Variants in OSBPL1A observed in about 807,000 individuals in gnomAD.
The protein encoded by OSBPL1A is oxysterol binding protein like 1A.
Under a neutral mutation model 137.1 loss-of-function variants are expected in OSBPL1A, and 80 were observed. The ratio of observed to expected loss-of-function variants is 0.58; its 90% CI spans 0.49 to 0.70. The LOEUF (loss-of-function observed/expected upper bound fraction) is 0.70. OSBPL1A is among the 30% of genes least tolerant of loss of function. The pLI, the probability that OSBPL1A is intolerant of heterozygous loss-of-function variation, is 0.00. For missense variants in OSBPL1A, 970 were observed against 1,129.4 expected (o/e 0.86, Z 2.02); for synonymous variants, 365 against 389.7 (o/e 0.94, Z 0.75).
intron 14 of OSBPL1A, among the ~76,000 whole-genome samples, chr18:24,299,912 T>A (rs1336856804): frequency 1.3e-5 from 2 of 152,138 alleles, no homozygotes; most frequent in Non-Finnish European, 2.9e-5. Context: ...ATCCTAAGAA[T>A]CCTGAGTTAC....
chr18:24,303,534 A>T, intron 14 of OSBPL1A, 103 bp downstream of exon 14: 1 of 938,252 alleles, frequency 1.1e-6, no homozygotes, highest in Non-Finnish European at 1.6e-6. Flanking sequence ...ATAACTCTTA[A>T]TTCAAAACCA....
At chr18:24,358,332 TCTC>T (rs2091570123) in intron 4 of OSBPL1A, 1 of 617,208 alleles carries the variant, frequency 1.6e-6, no homozygotes, top group Non-Finnish European at 2.9e-6. Context: ...TGAAGCATCA[TCTC>T]CTCTGCAAAG....
intron 17 of OSBPL1A, among the ~76,000 whole-genome samples, chr18:24,200,169 A>G (rs780236947): frequency 3.9e-5 from 6 of 152,152 alleles, no homozygotes; most frequent in Non-Finnish European, 7.3e-5. Flanking sequence ...GCATATCTCA[A>G]TTAAGCTACT....
intron 4 of OSBPL1A, among the ~76,000 whole-genome samples, chr18:24,363,948 T>C (rs747702066): frequency 6.6e-6 from 1 of 151,990 alleles, no homozygotes; most frequent in Non-Finnish European, 1.5e-5. Context: ...TCTCTTACAC[T>C]TCTAAGGACA....
intron 18 of OSBPL1A, among the ~76,000 whole-genome samples, chr18:24,186,322 T>C (rs1272505517): frequency 2.0e-5 from 3 of 152,204 alleles, no homozygotes; most frequent in Non-Finnish European, 4.4e-5. Context: ...AATAGTGATA[T>C]TTACACTTCA....
intron 17 of OSBPL1A, among the ~76,000 whole-genome samples, chr18:24,209,101 G>T (rs1324012494): frequency 1.3e-5 from 2 of 152,084 alleles, no homozygotes; most frequent in African/African-American, 4.8e-5. Context: ...TTCAAACAAA[G>T]AAGAAATTAA....
intron 7 of OSBPL1A, among the ~76,000 whole-genome samples, chr18:24,322,894 A>C (rs370321127): frequency 6.6e-6 from 1 of 152,202 alleles, no homozygotes; most frequent in Non-Finnish European, 1.5e-5. Flanking sequence ...AAAATACACT[A>C]TCTCTCTTAC....
Position 24,362,182 on chromosome 18 carries a change from C to A in OSBPL1A, c.282+4710G>T, listed in dbSNP as rs188465681. On this transcript the variant is annotated intron_variant, in intron 4 of 27. Transcript: ENST00000319481. ...AGCACTTTGAATGGGTAGATCTGGG[C>A]CATGTAGAAATAGATGACAATAGAA... Among the ~76,000 whole-genome samples, 14 of 150,468 alleles carry A rather than the reference C, an allele frequency of 9.3e-5. No individual in the cohort carries two copies. In the East Asian group the frequency reaches 2.7e-3, roughly 29 times the overall value.
chr18:24,202,735 G>A lies in OSBPL1A; in HGVS notation c.1602-6535C>T, dbSNP rs139677563. 2.4e-3 allele frequency among the ~76,000 whole-genome samples: 370 copies of A among 151,862 alleles called. 2 individuals carry two copies. The highest frequency in any genetic ancestry group is 8.2e-3 in the African/African-American group (341 of 41,430). On this transcript the variant is annotated intron_variant, in intron 17 of 27. Transcript: ENST00000319481. ...GTAAATTTCTTAATTCACAACATTT[G>A]GTATTTTTCCAACGGACAAGAAAAA...
intron 27 of OSBPL1A, among the ~76,000 whole-genome samples, chr18:24,164,426 T>G (rs1241823762): frequency 7.5e-6 from 1 of 133,388 alleles, no homozygotes; most frequent in Non-Finnish European, 1.6e-5. Context: ...TTTGGTTTTT[T>G]TTTTTTTTTT....
chr18:24,317,289 C>A (rs947013345), intron 10 of OSBPL1A, 38 bp downstream of exon 10: 1 of 1,606,014 alleles, frequency 6.2e-7, no homozygotes, highest in East Asian at 2.2e-5. Context: ...AAAATTTATA[C>A]AGTGAAATTT....
At chr18:24,371,101 A>C (rs973892396) in intron 2 of OSBPL1A, among the ~76,000 whole-genome samples, 5 of 152,162 alleles carry the variant, frequency 3.3e-5, no homozygotes, top group African/African-American at 1.2e-4. Context: ...TATCTGTCAC[A>C]GCAGCCTAAA....
At chr18:24,219,813 C>G (rs190975725) in intron 17 of OSBPL1A, among the ~76,000 whole-genome samples, 10 of 152,278 alleles carry the variant, frequency 6.6e-5, no homozygotes, top group African/African-American at 2.4e-4. Flanking sequence ...TGGCAATAAG[C>G]TGGGCAACTC....
chr18:24,252,339 A>G (rs1029336028), intron 15 of OSBPL1A, among the ~76,000 whole-genome samples: 6 of 152,188 alleles, frequency 3.9e-5, no homozygotes, highest in Non-Finnish European at 7.3e-5. Flanking sequence ...AAAGAAACAA[A>G]TAACATTCAG....
intron 12 of OSBPL1A, among the ~76,000 whole-genome samples, chr18:24,312,472 T>C (rs777723140): frequency 3.3e-5 from 5 of 152,210 alleles, no homozygotes; most frequent in Admixed American, 3.3e-4. Context: ...AGTTACTATA[T>C]AGTAATGGAT....
At chr18:24,165,183 T>C in intron 26 of OSBPL1A, 28 bp from the exon 27 acceptor site, 1 of 1,419,588 alleles carries the variant, frequency 7.0e-7, no homozygotes, top group Non-Finnish European at 9.5e-7. Context: ...ACACAAACCA[T>C]TAACACTCTA....
chr18:24,290,692 A>C (rs1423239065), intron 14 of OSBPL1A, among the ~76,000 whole-genome samples: 2 of 152,146 alleles, frequency 1.3e-5, no homozygotes, highest in Non-Finnish European at 2.9e-5. Context: ...CCAAAAAATA[A>C]ATAAATAATA....
chr18:24,367,015 A>C, intron 3 of OSBPL1A, 49 bp from the exon 4 acceptor site: 1 of 1,487,968 alleles, frequency 6.7e-7, no homozygotes, highest in Non-Finnish European at 9.1e-7. Flanking sequence ...AATGGTGAAA[A>C]TCATTCCTTC....
chr18:24,333,838 A>T (rs1173543849), intron 6 of OSBPL1A, among the ~76,000 whole-genome samples: 2 of 152,218 alleles, frequency 1.3e-5, no homozygotes, highest in African/African-American at 4.8e-5. Context: ...CATTCCTCCC[A>T]GAAACTACTG....
Sources: gnomAD v4.1 joint callset for allele counts (sites outside exome capture counted in the v4.1 genomes callset) on GRCh38, gnomAD v4.1.1 for gene constraint, MANE v1.5 for transcripts, NCBI Gene and HGNC (gene_info 2026-07-23, HGNC 2026-07-21) for gene names.